The following FAM20C variants were observed in gnomAD, a reference collection of about 807,000 sequenced individuals.
FAM20C encodes FAM20C golgi associated secretory pathway kinase, also known as extracellular serine/threonine protein kinase FAM20C.
Under a neutral mutation model 51.5 loss-of-function variants are expected in FAM20C, and 40 were observed. That is an observed-to-expected ratio of 0.78 (90% CI 0.60 to 1.01). The LOEUF (loss-of-function observed/expected upper bound fraction) is 1.01. FAM20C is among the 50% of genes least tolerant of loss of function. The pLI is 0.00. For missense variants in FAM20C, 861 were observed against 844.7 expected, an observed-to-expected ratio of 1.02 and a Z score of -0.24; for synonymous variants, 406 against 380.6, an observed-to-expected ratio of 1.07 and a Z score of -0.78.
chr7:235,793 C>T (rs1474348654), intron 3 of FAM20C, among the ~76,000 whole-genome samples: 1 of 152,208 alleles, frequency 6.6e-6, no homozygotes, highest in African/African-American at 2.4e-5. Flanking sequence ...TGGTAGTCTC[C>T]TGGCAGGCTG....
intron 1 of FAM20C, among the ~76,000 whole-genome samples, chr7:194,412 A>ACCCCCCCCCCCCCCCCT (rs1785747955): frequency 1.1e-5 from 1 of 87,436 alleles, no homozygotes; most frequent in Non-Finnish European, 2.4e-5. Context: ...CCCTTTCCCC[A>ACCCCCCCCCCCCCCCCT]CCCCCCGGCC....
intron 2 of FAM20C, among the ~76,000 whole-genome samples, chr7:199,357 G>A (rs1786027312): frequency 6.6e-6 from 1 of 152,166 alleles, no homozygotes. Flanking sequence ...GCCTTCAAAG[G>A]CCAGCCCTGC....
intron 5 of FAM20C, 74 bp from the exon 6 acceptor site, chr7:255,775 T>C (rs1257846268): frequency 1.1e-5 from 16 of 1,497,598 alleles, no homozygotes; most frequent in Admixed American, 2.0e-5. Context: ...CGGCCCGGCC[T>C]TGGGGGCCGT....
intron 3 of FAM20C, among the ~76,000 whole-genome samples, chr7:210,881 G>A (rs1249241047): frequency 6.6e-6 from 1 of 152,156 alleles, no homozygotes; most frequent in Non-Finnish European, 1.5e-5. Context: ...TGCGGGAACC[G>A]GCGTCTCGTG....
At chr7:201,973 A>G (rs1786148893) in intron 2 of FAM20C, among the ~76,000 whole-genome samples, 1 of 152,242 alleles carries the variant, frequency 6.6e-6, no homozygotes, top group Admixed American at 6.5e-5. Flanking sequence ...ACGTAGATTA[A>G]TAATGATGAA....
chr7:230,377 G>GAC (rs199801787), intron 3 of FAM20C, among the ~76,000 whole-genome samples: 1 of 106,104 alleles, frequency 9.4e-6, no homozygotes, highest in African/African-American at 3.3e-5. Flanking sequence ...CGGGGTGGGG[G>GAC]GGGGGGGGAA....
chr7:231,820 T>C (rs1276589383), intron 3 of FAM20C, among the ~76,000 whole-genome samples: 1 of 152,108 alleles, frequency 6.6e-6, no homozygotes, highest in African/African-American at 2.4e-5. Flanking sequence ...TGGTTTTCCA[T>C]AATGCATGAA....
intron 5 of FAM20C, among the ~76,000 whole-genome samples, chr7:254,418 C>T (rs1788514665): frequency 6.6e-6 from 1 of 152,236 alleles, no homozygotes; most frequent in Non-Finnish European, 1.5e-5. Context: ...CTCACCAGTT[C>T]TACAGCCCCA....
chr7:250,373 G>C (rs1158863728), intron 5 of FAM20C, among the ~76,000 whole-genome samples: 1 of 152,032 alleles, frequency 6.6e-6, no homozygotes, highest in Non-Finnish European at 1.5e-5. Context: ...CCACAGAGGC[G>C]GGAAGAAGGG....
intron 1 of FAM20C, among the ~76,000 whole-genome samples, chr7:194,499 A>G (rs1218884714): frequency 6.6e-6 from 1 of 151,606 alleles, no homozygotes; most frequent in African/African-American, 2.4e-5. Context: ...CAAGGCCAGA[A>G]TAAGTAACTA....
At chr7:235,749 G>T (rs1583321962) in intron 3 of FAM20C, among the ~76,000 whole-genome samples, 1 of 152,210 alleles carries the variant, frequency 6.6e-6, no homozygotes, top group African/African-American at 2.4e-5. Context: ...TGGAGGGTCA[G>T]TGGTGGACGG....
rs61732569 is a variant in FAM20C at position 195,622 on chromosome 7, A to G, written c.674A>G (p.Asn225Ser). The G allele has an allele frequency of 3.4e-5, 55 of 1,610,074 alleles. No individual in the cohort carries two copies. The highest frequency in any genetic ancestry group is 2.7e-4 in the African/African-American group (20 of 74,962). ...GAGGCGGCCGTGGACTCCTATCCCAACTGGCTCAAGTTCCACATTGGTATC... is the reference window on the plus strand; with the variant it reads ...GAGGCGGCCGTGGACTCCTATCCCAGCTGGCTCAAGTTCCACATTGGTATC... ...PGEAAVDSYP[N>S]WLKFHIGINR... Residue 225 changes from asparagine to serine, a missense_variant, in exon 2 of 10, where the codon AAC becomes AGC. By Grantham distance (46) the Asn-to-Ser change is conservative (BLOSUM62 1). Transcript: ENST00000313766.
At chr7:224,477 A>ACAACCTGGG (rs1562381470) in intron 3 of FAM20C, among the ~76,000 whole-genome samples, 1 of 8,118 alleles carries the variant, frequency 1.2e-4, no homozygotes, top group Non-Finnish European at 2.6e-4. Context: ...ATTGCGCAGA[A>ACAACCTGGG]TGGCACCGTC....
At chr7:206,549 A>C (rs1414363211) in intron 2 of FAM20C, among the ~76,000 whole-genome samples, 1 of 111,576 alleles carries the variant, frequency 9.0e-6, no homozygotes, top group Non-Finnish European at 2.1e-5. Flanking sequence ...ACACGTGTCC[A>C]CTGTGACGCG....
intron 9 of FAM20C, among the ~76,000 whole-genome samples, chr7:259,151 G>A (rs142142262): frequency 0.027 from 4,151 of 152,300 alleles, 70 homozygotes; most frequent in Middle Eastern, 0.037. Context: ...GCATCACAGC[G>A]CCCGTGTTGT....
At chr7:199,876 G>A (rs1323708800) in intron 2 of FAM20C, among the ~76,000 whole-genome samples, 1 of 152,216 alleles carries the variant, frequency 6.6e-6, no homozygotes, top group African/African-American at 2.4e-5. Context: ...CCACTGGCAT[G>A]TGAGGATTCG....
At chr7:258,504 G>A (rs796423870) in intron 8 of FAM20C, 142 bp from the exon 9 acceptor site, 15 of 700,674 alleles carry the variant, frequency 2.1e-5, no homozygotes, top group African/African-American at 1.1e-4. Flanking sequence ...CCCACTGCCC[G>A]GGGTGCTGGA....
intron 5 of FAM20C, among the ~76,000 whole-genome samples, chr7:253,186 G>A (rs1004839418): frequency 6.6e-6 from 1 of 152,208 alleles, no homozygotes; most frequent in Non-Finnish European, 1.5e-5. Context: ...ACCCAGAGCC[G>A]CTGCCCTAAG....
rs201639359 is a variant in FAM20C at position 245,729 on chromosome 7, TC to T, written c.864-682del. Among the ~76,000 whole-genome samples the T allele has an allele frequency of 8.0e-3, 1,221 of 152,070 alleles. 7 individuals carry two copies. Among genetic ancestry groups the T allele is most frequent in the Middle Eastern group, 0.031 (9 of 294 alleles). The stretch of plus-strand genomic sequence containing the variant: ...ACCTCACAGGGCCCTGCGGCTAGGC[TC>T]CCCTTCCCCTGGAGTATTGGCCTGA... On this transcript the variant is annotated intron_variant, in intron 3 of 9. Coordinates refer to ENST00000313766, the MANE Select transcript of FAM20C (RefSeq NM_020223.4).
Sources: allele counts gnomAD v4.1 joint callset (sites outside exome capture counted in the v4.1 genomes callset), GRCh38; gene constraint gnomAD v4.1.1; transcripts MANE v1.5; gene names NCBI Gene and HGNC (gene_info 2026-07-23, HGNC 2026-07-21).